Variants in PCDH1 observed in about 807,000 individuals in gnomAD.
The protein encoded by PCDH1 is protocadherin 1.
Under a neutral mutation model 74.6 loss-of-function variants are expected in PCDH1, and 23 were observed. The observed-to-expected ratio is 0.31, with a 90% CI of 0.22 to 0.44. PCDH1 has a LOEUF of 0.44. Ranked by LOEUF, PCDH1 falls within the 20% of genes least tolerant of loss-of-function variation. The pLI, the probability that PCDH1 is intolerant of heterozygous loss-of-function variation, is 1.00. For synonymous variants in PCDH1, 647 were observed against 686.1 expected (o/e 0.94, Z 0.89); for missense variants, 1,214 against 1,641.4 (o/e 0.74, Z 4.50).
chr5:141,873,766 CT>C (rs1295717480), intron 1 of PCDH1, among the ~76,000 whole-genome samples: 1 of 152,122 alleles, frequency 6.6e-6, no homozygotes, highest in African/African-American at 2.4e-5. Context: ...CCCCTGCAAA[CT>C]TTTATCATCA....
At chr5:141,871,208 AC>A (rs1224975003) in intron 1 of PCDH1, among the ~76,000 whole-genome samples, 2 of 152,196 alleles carry the variant, frequency 1.3e-5, no homozygotes, top group East Asian at 3.8e-4. Context: ...CTAACAATGC[AC>A]CTTTGCACAT....
chr5:141,863,488 TCCC>T lies in PCDH1; in HGVS notation c.2840_2842del (p.Gly947del). 1 of 1,608,418 alleles carries T rather than the reference TCCC, an allele frequency of 6.2e-7. No individual in the cohort carries two copies. Among genetic ancestry groups the T allele is most frequent in the East Asian group, 2.2e-5 (1 of 44,810 alleles). Reference sequence around the variant, plus strand: ...GAGGGGCAGGTGGATGCGGGGACTGTCCCCAGGGGCATCGCTCATCAGGTTGAA... The same window carrying T: ...GAGGGGCAGGTGGATGCGGGGACTGTCAGGGGCATCGCTCATCAGGTTGAA... On this transcript the variant is annotated inframe_deletion, in exon 3 of 5. Transcript: ENST00000287008. The surrounding 1 kb of genome is among the most constrained non-coding windows in gnomAD (Gnocchi z 7.5).
chr5:141,864,279 C>T lies in PCDH1; in HGVS notation c.2052G>A (p.Gln684=), dbSNP rs1020532662. 7 of 1,613,548 alleles carry T rather than the reference C, an allele frequency of 4.3e-6. No individual in the cohort carries two copies. In the African/African-American group the frequency reaches 9.3e-5, roughly 22 times the overall value. Reference sequence around the variant, plus strand: ...GGACGCCACCATCCACTGCCTTCAGCTGGAAGGTGTAGGTGCTTTGTTGCT... The same window carrying T: ...GGACGCCACCATCCACTGCCTTCAGTTGGAAGGTGTAGGTGCTTTGTTGCT... ...DREQQSTYTF[Q]LKAVDGGVPP... Residue 684 remains glutamine (Q), a synonymous_variant, in exon 3 of 5, where the codon CAG becomes CAA. Coordinates refer to ENST00000287008, the MANE Select transcript of PCDH1 (RefSeq NM_032420.5). This position sits in a 1 kb window ranked among gnomAD's most constrained non-coding sequence, Gnocchi z 5.9.
In PCDH1 at chr5:141,863,211, G is replaced by GAGCTGAA; in HGVS notation, c.3099+14_3099+20dup. 1 of 1,564,342 alleles carries GAGCTGAA rather than the reference G, an allele frequency of 6.4e-7. No homozygotes were observed. Among genetic ancestry groups the GAGCTGAA allele is most frequent in the Admixed American group, 1.9e-5 (1 of 53,746 alleles). ...GGTGGGGTAGGGGCTGGGGTGTGCT[G>GAGCTGAA]AGCTGAAAGGGCTGGCCTACCTGCT... On this transcript the variant is annotated intron_variant, in intron 3 of 4. Transcript: ENST00000287008. This position sits in a 1 kb window ranked among gnomAD's most constrained non-coding sequence, Gnocchi z 7.5.
intron 1 of PCDH1, among the ~76,000 whole-genome samples, chr5:141,877,708 T>G (rs969982105): frequency 6.6e-6 from 1 of 152,166 alleles, no homozygotes; most frequent in Non-Finnish European, 1.5e-5. Context: ...TGTGCACATA[T>G]GCAGGGATGT....
At chr5:141,873,346 G>A (rs1033399230) in intron 1 of PCDH1, among the ~76,000 whole-genome samples, 4 of 147,582 alleles carry the variant, frequency 2.7e-5, no homozygotes, top group Non-Finnish European at 5.9e-5. Flanking sequence ...CACCGTGTTG[G>A]CCACAATGGT....
rs975050732 is a variant in PCDH1 at position 141,864,367 on chromosome 5, T to C, written c.1964A>G (p.Asn655Ser). 2 of 1,613,984 alleles carry C rather than the reference T, an allele frequency of 1.2e-6. No homozygotes were observed. The highest frequency in any genetic ancestry group is 8.5e-7 in the Non-Finnish European group (1 of 1,179,982). The change falls in exon 3 of 5, where the codon AAC (asparagine) becomes AGC (serine). Residue 655 changes from asparagine to serine, a missense_variant. Coordinates refer to ENST00000287008, the MANE Select transcript of PCDH1 (RefSeq NM_032420.5). The surrounding 1 kb of genome is among the most constrained non-coding windows in gnomAD (Gnocchi z 5.9). ...AQVQLSVEQD[N>S]GDFVIQNGTG... is the part of the protein sequence containing the mutation. ...GCCATTCTGGATAACAAAGTCACCG[T>C]TGTCCTGCTCCACTGAGAGCTGCAC... is the stretch of plus-strand genomic sequence containing the variant.
chr5:141,864,497 A>T lies in PCDH1; in HGVS notation c.1834T>A (p.Phe612Ile). ...GAGAAGTTGTAGCCACTCAGCATAA[A>T]TTTGGGGTCATTGTCATTGCAGTCC... Reference protein sequence around the residue: ...VLDCNDNDPKFMLSGYNFSVM... With the variant: ...VLDCNDNDPKIMLSGYNFSVM... Residue 612 changes from phenylalanine to isoleucine, a missense_variant, in exon 3 of 5, where the codon TTT becomes ATT. This residue lies in a region of PCDH1 where 836 missense variants were observed against 1,182.2 expected (regional missense o/e 0.71). Coordinates refer to ENST00000287008, the MANE Select transcript of PCDH1 (RefSeq NM_032420.5). This position sits in a 1 kb window ranked among gnomAD's most constrained non-coding sequence, Gnocchi z 5.9. 1 of 1,613,954 alleles carries T rather than the reference A, an allele frequency of 6.2e-7. No homozygotes were observed.
At chr5:141,856,559 A>G (rs2126804307) in intron 4 of PCDH1, among the ~76,000 whole-genome samples, 1 of 152,180 alleles carries the variant, frequency 6.6e-6, no homozygotes, top group Non-Finnish European at 1.5e-5. Flanking sequence ...ACGACTTCAC[A>G]CATGCACACG....
intron 1 of PCDH1, among the ~76,000 whole-genome samples, chr5:141,871,530 C>A (rs1283559071): frequency 6.6e-6 from 1 of 152,204 alleles, no homozygotes; most frequent in South Asian, 2.1e-4. Context: ...AGTTTCCTTA[C>A]CTGTAAAATG....
chr5:141,861,115 CAAAAAAAAAAAAA>C (rs59007688), intron 3 of PCDH1, among the ~76,000 whole-genome samples: 4 of 61,924 alleles, frequency 6.5e-5, no homozygotes, highest in African/African-American at 1.4e-4. Flanking sequence ...AACTCCATCT[CAAAAAAAAAAAAA>C]AAAAAAAAAA....
At chr5:141,856,322 G>A in intron 4 of PCDH1, 7 of 1,402,110 alleles carry the variant, frequency 5.0e-6, no homozygotes, top group Non-Finnish European at 6.8e-6. Context: ...GGCGGGGTGG[G>A]GGTGGAGGGC....
rs374516458 is a variant in PCDH1 at position 141,864,366 on chromosome 5, G to A, written c.1965C>T (p.Asn655=). The part of the protein sequence containing the change: ...AQVQLSVEQD[N]GDFVIQNGTG... ...TGCCATTCTGGATAACAAAGTCACC[G>A]TTGTCCTGCTCCACTGAGAGCTGCA... Residue 655 remains asparagine (N), a synonymous_variant, in exon 3 of 5, where the codon AAC becomes AAT. Coordinates refer to ENST00000287008, the MANE Select transcript of PCDH1 (RefSeq NM_032420.5). This position sits in a 1 kb window ranked among gnomAD's most constrained non-coding sequence, Gnocchi z 5.9. 224 of 1,613,930 alleles carry A rather than the reference G, an allele frequency of 1.4e-4. No homozygotes were observed. The highest frequency in any genetic ancestry group is 3.3e-4 in the Middle Eastern group (2 of 6,084).
chr5:141,869,303 C>T lies in PCDH1; in HGVS notation c.169G>A (p.Ala57Thr), dbSNP rs374330580. The change falls in exon 2 of 5, where the codon GCC (alanine) becomes ACC (threonine). Residue 57 changes from alanine (A) to threonine (T), a missense_variant. Ala to Thr is a moderately conservative substitution (Grantham distance 58, BLOSUM62 0). This residue lies in a region of PCDH1 where 87 missense variants were observed against 87.7 expected (regional missense o/e 0.99). Transcript: ENST00000287008. The surrounding 1 kb of genome is among the most constrained non-coding windows in gnomAD (Gnocchi z 4.9). ...LLLLAPSPGH[A>T]TRVVYKVPEE... ...GGCACCTTGTACACTACCCGAGTGG[C>T]GTGGCCTGGGGATGGAGCCAGCAGG... 1.6e-5 allele frequency: 26 copies of T among 1,603,238 alleles called. No homozygotes were observed. Among genetic ancestry groups the T allele is most frequent in the East Asian group, 6.8e-5 (3 of 44,440 alleles).
intron 1 of PCDH1, among the ~76,000 whole-genome samples, chr5:141,875,374 C>T (rs1753196305): frequency 6.6e-6 from 1 of 152,062 alleles, no homozygotes; most frequent in Non-Finnish European, 1.5e-5. Context: ...CACCATGGAC[C>T]CTGGCAGATA....
chr5:141,876,300 G>T (rs536240238), intron 1 of PCDH1, among the ~76,000 whole-genome samples: 1 of 152,286 alleles, frequency 6.6e-6, no homozygotes, highest in East Asian at 1.9e-4. Context: ...CCGCACCCAG[G>T]CCACCGCGGG....
Position 141,865,380 on chromosome 5 carries a change from G to A in PCDH1, c.951C>T (p.Tyr317=), listed in dbSNP as rs367625612. The part of the protein sequence containing the change: ...SDQGANAEIE[Y]TFHQAPEVVR... ...CAACTTCGGGCGCCTGGTGGAATGTGTATTCGATTTCTGCATTGGCACCTT... is the reference window on the plus strand; with the variant it reads ...CAACTTCGGGCGCCTGGTGGAATGTATATTCGATTTCTGCATTGGCACCTT... The change falls in exon 3 of 5, where the codon TAC becomes TAT. Residue 317 remains tyrosine, a synonymous_variant. Transcript: ENST00000287008. The surrounding 1 kb of genome is among the most constrained non-coding windows in gnomAD (Gnocchi z 4.4). 38 of 1,613,880 alleles carry A rather than the reference G, an allele frequency of 2.4e-5. No homozygotes were observed. Among genetic ancestry groups the A allele is most frequent in the Non-Finnish European group, 3.1e-5 (36 of 1,180,030 alleles).
At chr5:141,862,987 C>A in intron 3 of PCDH1, 1 of 1,255,182 alleles carries the variant, frequency 8.0e-7, no homozygotes, top group Non-Finnish European at 1.0e-6. Flanking sequence ...AATCACAGGT[C>A]TCTCCCCAGT....
chr5:141,866,262 G>A, intron 2 of PCDH1: 1 of 984,602 alleles, frequency 1.0e-6, no homozygotes, highest in Non-Finnish European at 1.2e-6. Flanking sequence ...TCCGGCCTGA[G>A]CCTGCAGCCA....
Sources: gnomAD v4.1 joint callset for allele counts (sites outside exome capture counted in the v4.1 genomes callset) on GRCh38, gnomAD v4.1.1 for gene constraint, gnomAD v4.1.1 regional missense constraint, Gnocchi (gnomAD v3.1) non-coding constraint, MANE v1.5 for transcripts, NCBI Gene and HGNC (gene_info 2026-07-23, HGNC 2026-07-21) for gene names.